Variants in TNPO3 observed in about 807,000 individuals in gnomAD.
The protein encoded by TNPO3 is transportin-3.
In TNPO3, 65 loss-of-function variants were observed where a neutral mutation model predicts 122.8. The ratio of observed to expected loss-of-function variants is 0.53; its 90% CI spans 0.43 to 0.65. The LOEUF (loss-of-function observed/expected upper bound fraction) is 0.65, where lower values mean the gene tolerates loss of function less well. TNPO3 is among the 30% of genes least tolerant of loss of function. The pLI, the probability that TNPO3 is intolerant of heterozygous loss-of-function variation, is 0.00. For synonymous variants in TNPO3, 372 were observed against 411.2 expected (o/e 0.90, Z 1.15); for missense variants, 850 against 1,136.7 (o/e 0.75, Z 3.63).
At chr7:129,004,704 C>A (rs747055023) in intron 5 of TNPO3, among the ~76,000 whole-genome samples, 46 of 152,176 alleles carry the variant, frequency 3.0e-4, no homozygotes, top group Middle Eastern at 6.8e-3. Flanking sequence ...GATTCAATGA[C>A]CATTATTGAA....
intron 1 of TNPO3, among the ~76,000 whole-genome samples, chr7:129,051,764 C>T (rs1257120234): frequency 6.6e-6 from 1 of 152,226 alleles, no homozygotes; most frequent in Non-Finnish European, 1.5e-5. Flanking sequence ...CTGCCTCAGC[C>T]TCCTGAGTAG....
chr7:129,027,589 A>AAAC (rs1193824956), intron 1 of TNPO3, among the ~76,000 whole-genome samples: 80 of 77,488 alleles, frequency 1.0e-3, no homozygotes, highest in African/African-American at 2.5e-3. Context: ...AAAAAAAAAA[A>AAAC]AACAACACAA....
chr7:128,992,141 CA>C (rs751611656), intron 9 of TNPO3, 51 bp from the exon 10 acceptor site: 3 of 962,738 alleles, frequency 3.1e-6, no homozygotes, highest in Non-Finnish European at 3.1e-6. Context: ...AACAGAATGC[CA>C]AAACAAACAA....
intron 17 of TNPO3, among the ~76,000 whole-genome samples, chr7:128,975,261 A>G (rs1798935751): frequency 6.6e-6 from 1 of 152,230 alleles, no homozygotes; most frequent in Non-Finnish European, 1.5e-5. Flanking sequence ...GAAAGCAAAG[A>G]TTCTATTTAG....
chr7:129,035,950 C>CTTTTTTT (rs71162551), intron 1 of TNPO3, among the ~76,000 whole-genome samples: 11 of 119,926 alleles, frequency 9.2e-5, no homozygotes, highest in Admixed American at 1.9e-4. Context: ...CTTTTCTTTT[C>CTTTTTTT]TTTTTTTTTT....
Position 129,054,892 on chromosome 7 carries a change from C to T in TNPO3, c.-122G>A. 1 of 1,372,762 alleles carries T rather than the reference C, an allele frequency of 7.3e-7. No individual in the cohort carries two copies. 85.0% of individuals were successfully genotyped at this position (1,372,762 alleles called of 1,614,324 possible). On this transcript the variant is annotated 5_prime_UTR_variant, in exon 1 of 23. Coordinates refer to ENST00000265388, the MANE Select transcript of TNPO3 (RefSeq NM_012470.4). ...GCCGCTCCCTGACTGGCGCCATCTC[C>T]TCCTCTTTGGCCGTTACCAGGGCAG... is the stretch of plus-strand genomic sequence containing the variant.
chr7:129,025,327 G>GCAA (rs1355177876), intron 1 of TNPO3, among the ~76,000 whole-genome samples: 2 of 105,744 alleles, frequency 1.9e-5, no homozygotes, highest in Non-Finnish European at 3.4e-5. Flanking sequence ...TCCAGCCTAG[G>GCAA]CAACAAGAGT....
intron 1 of TNPO3, among the ~76,000 whole-genome samples, chr7:129,023,663 T>C (rs1366379196): frequency 6.6e-6 from 1 of 152,104 alleles, no homozygotes; most frequent in Non-Finnish European, 1.5e-5. Flanking sequence ...CAGCAAGGGA[T>C]ACAAGGAAAA....
Position 128,986,870 on chromosome 7 carries a change from A to C in TNPO3, c.1549T>G (p.Ser517Ala), listed in dbSNP as rs886043008. The change falls in exon 12 of 23, where the codon TCT becomes GCT. Residue 517 changes from serine (S) to alanine (A), a missense_variant. By Grantham distance (99) the Ser-to-Ala change is moderately conservative. Transcript: ENST00000265388. ...TTATGAATGGCTTTGGCTGCAGCAG[A>C]AGCCAGGGGCTTTTCACACAGGCCT... ...MKGLCEKPLA[S>A]AAAKAIHNIC... 4 of 1,613,806 alleles carry C rather than the reference A, an allele frequency of 2.5e-6. No homozygotes were observed. The highest frequency in any genetic ancestry group is 3.4e-6 in the Non-Finnish European group (4 of 1,179,976).
intron 9 of TNPO3, 113 bp downstream of exon 9, chr7:128,993,694 T>A: frequency 1.2e-6 from 1 of 867,678 alleles, no homozygotes; most frequent in Non-Finnish European, 1.8e-6. Flanking sequence ...ATATCTATTA[T>A]CTCATTCAGC....
intron 7 of TNPO3, among the ~76,000 whole-genome samples, chr7:128,998,528 T>C (rs1352868104): frequency 1.3e-5 from 2 of 151,816 alleles, no homozygotes; most frequent in East Asian, 3.9e-4. Flanking sequence ...GGCTAATTTT[T>C]AAAATTTTCT....
intron 6 of TNPO3, 73 bp downstream of exon 6, chr7:129,000,983 GAAT>G: frequency 6.8e-7 from 1 of 1,480,012 alleles, no homozygotes; most frequent in Non-Finnish European, 9.3e-7. Context: ...AATGACAGAC[GAAT>G]AATAAAAAGT....
At chr7:128,955,572 C>T (rs1796817743) in intron 22 of TNPO3, among the ~76,000 whole-genome samples, 187 bp from the exon 23 acceptor site, 1 of 152,154 alleles carries the variant, frequency 6.6e-6, no homozygotes, top group Non-Finnish European at 1.5e-5. Flanking sequence ...AAGGGAGCTA[C>T]TGCTTTAATG....
intron 8 of TNPO3, among the ~76,000 whole-genome samples, chr7:128,996,141 A>G (rs1349251847): frequency 6.6e-6 from 1 of 152,250 alleles, no homozygotes; most frequent in African/African-American, 2.4e-5. Context: ...AGCACGTGGG[A>G]TTTAATTGTA....
Position 128,984,178 on chromosome 7 carries a change from G to C in TNPO3, c.1772C>G (p.Ala591Gly). Residue 591 changes from alanine to glycine, a missense_variant, in exon 13 of 23, where the codon GCA (alanine) becomes GGA (glycine). Coordinates refer to ENST00000265388, the MANE Select transcript of TNPO3 (RefSeq NM_012470.4). ...CTTAATTGGACTTACCTTTTTCAAT[G>C]CCATAACCTGAACAGAACATAGTTC... ...LSELCSVQVM[A>G]LKKLLSQEPS... 1 of 1,602,742 alleles carries C rather than the reference G, an allele frequency of 6.2e-7. No individual in the cohort carries two copies. The highest frequency in any genetic ancestry group is 8.5e-7 in the Non-Finnish European group (1 of 1,174,542).
At chr7:129,032,355 G>A (rs1006335643) in intron 1 of TNPO3, among the ~76,000 whole-genome samples, 3 of 152,204 alleles carry the variant, frequency 2.0e-5, no homozygotes, top group African/African-American at 7.2e-5. Flanking sequence ...GTTCTAGCCA[G>A]AGCAATTAGG....
intron 8 of TNPO3, among the ~76,000 whole-genome samples, chr7:128,996,156 A>G (rs1367904268): frequency 6.6e-6 from 1 of 152,222 alleles, no homozygotes; most frequent in Admixed American, 6.5e-5. Flanking sequence ...ATTGTAAGCA[A>G]TAAAACTTAC....
rs908704551 is a variant in TNPO3, at chr7:128,990,258, C to T, written c.1359-158G>A. 1.3e-5 allele frequency: 11 copies of T among 831,132 alleles called. No homozygotes were observed. The African/African-American group carries it at 1.7e-4, about 13-fold the overall frequency. The allele number at this position is 831,132 out of a possible 1,614,324, so 51.5% of individuals were successfully genotyped here. On this transcript the variant is annotated intron_variant, in intron 10 of 22. Transcript: ENST00000265388. Reference sequence around the variant, plus strand: ...TATTTGTTATGAAAGATTTTCAAATCTTCAAAAAAGAGGAAAAGATAGAAA... The same window carrying T: ...TATTTGTTATGAAAGATTTTCAAATTTTCAAAAAAGAGGAAAAGATAGAAA...
chr7:128,970,427 T>A, intron 19 of TNPO3, 112 bp from the exon 20 acceptor site: 1 of 982,232 alleles, frequency 1.0e-6, no homozygotes, highest in Non-Finnish European at 1.5e-6. Flanking sequence ...TGTGTGTGTG[T>A]GCACGCGTGG....
Sources: gnomAD v4.1 joint callset for allele counts (sites outside exome capture counted in the v4.1 genomes callset) on GRCh38, gnomAD v4.1.1 for gene constraint, MANE v1.5 for transcripts, NCBI Gene and HGNC (gene_info 2026-07-23, HGNC 2026-07-21) for gene names.